NCEH1: variants seen among roughly 807,000 people sequenced by gnomAD.
NCEH1 encodes neutral cholesterol ester hydrolase 1, also known as 2-acetyl MAGE hydrolase.
NCEH1 carries 9 observed loss-of-function variants against 25.4 expected under a neutral mutation model. The observed-to-expected ratio is 0.35, with a 90% CI of 0.21 to 0.62. The LOEUF is 0.62. Among genes scored for constraint, NCEH1 ranks in the 20% least tolerant of loss-of-function variants. The pLI, the probability that NCEH1 is intolerant of heterozygous loss-of-function variation, is 0.72. For synonymous variants in NCEH1, 200 were observed against 199.8 expected, an observed-to-expected ratio of 1.00 and a Z score of -0.01; for missense variants, 412 against 501.1, an observed-to-expected ratio of 0.82 and a Z score of 1.70.
At chr3:172,668,296 A>G (rs1464299651) in intron 1 of NCEH1, among the ~76,000 whole-genome samples, 3 of 149,892 alleles carry the variant, frequency 2.0e-5, no homozygotes, top group Non-Finnish European at 4.4e-5. Context: ...GTTTCAGTAA[A>G]TAACCCTAAC....
At chr3:172,666,151 C>T (rs1298442056) in intron 1 of NCEH1, among the ~76,000 whole-genome samples, 1 of 152,184 alleles carries the variant, frequency 6.6e-6, no homozygotes, top group Non-Finnish European at 1.5e-5. Flanking sequence ...ACTTGAAGGG[C>T]CAGTCTGGCA....
chr3:172,675,666 T>TA (rs1422426516), intron 1 of NCEH1, among the ~76,000 whole-genome samples: 1 of 152,214 alleles, frequency 6.6e-6, no homozygotes, highest in Non-Finnish European at 1.5e-5. Flanking sequence ...CTGCAAGTTA[T>TA]AAAAATGGCC....
chr3:172,683,242 A>AAAAATAG (rs1182284033), intron 1 of NCEH1, among the ~76,000 whole-genome samples: 29 of 118,620 alleles, frequency 2.4e-4, no homozygotes, highest in Middle Eastern at 3.6e-3. Context: ...TCTCTACTAA[A>AAAAATAG]AATACAAAAA....
chr3:172,707,755 T>G (rs1560213396), intron 1 of NCEH1, among the ~76,000 whole-genome samples: 2 of 152,084 alleles, frequency 1.3e-5, no homozygotes, highest in Non-Finnish European at 2.9e-5. Context: ...CCAGCTAATT[T>G]TTTTGTATTT....
chr3:172,696,342 T>C (rs1038103144), intron 1 of NCEH1, among the ~76,000 whole-genome samples: 3 of 152,172 alleles, frequency 2.0e-5, no homozygotes, highest in African/African-American at 7.2e-5. Flanking sequence ...CAATAGCAGA[T>C]TGGCAAGAAT....
chr3:172,708,451 G>T (rs868384102), intron 1 of NCEH1, among the ~76,000 whole-genome samples: 37 of 152,278 alleles, frequency 2.4e-4, no homozygotes, highest in Middle Eastern at 3.4e-3. Context: ...CGCCTCCCAG[G>T]TTCAAGCGAT....
chr3:172,694,067 A>C (rs1421605212), intron 1 of NCEH1, among the ~76,000 whole-genome samples: 1 of 151,990 alleles, frequency 6.6e-6, no homozygotes, highest in Non-Finnish European at 1.5e-5. Context: ...CCAACTTTTT[A>C]AATTTTTTGT....
Position 172,690,133 on chromosome 3 carries a change from C to G in NCEH1, c.138+20714G>C, listed in dbSNP as rs1352887136. ...TTAGCCAGGATGGTCTCAATCTCCT[C>G]ACCTCGTGATCCACCCGCCTCGGCC... On this transcript the variant is annotated intron_variant, in intron 1 of 4. Transcript: ENST00000475381. Among the ~76,000 whole-genome samples, 3 of 151,956 alleles carry G rather than the reference C, an allele frequency of 2.0e-5. No homozygotes were observed. The East Asian group carries it at 5.8e-4, about 30-fold the overall frequency.
At chr3:172,686,390 ATT>A (rs755031413) in intron 1 of NCEH1, among the ~76,000 whole-genome samples, 4 of 152,250 alleles carry the variant, frequency 2.6e-5, no homozygotes, top group Admixed American at 6.5e-5. Context: ...CACATAGTGT[ATT>A]CACATAGTGA....
chr3:172,710,962 A>C lies in NCEH1; in HGVS notation c.23T>G (p.Leu8Arg). MRSSCVL[L>R]TALVALAAYY... ...GGCGGCCAGCGCCACCAGGGCGGTG[A>C]GCAGGACACAGGACGACCTCATCTT... is the stretch of plus-strand genomic sequence containing the variant. The change falls in exon 1 of 5, where the codon CTC (leucine) becomes CGC (arginine). Residue 8 changes from leucine to arginine, a missense_variant. Leu to Arg is a moderately radical substitution (Grantham distance 102, BLOSUM62 -2). This residue lies in a region of NCEH1 where 178 missense variants were observed against 189.2 expected (regional missense o/e 0.94). Transcript: ENST00000475381. The C allele has an allele frequency of 6.2e-7, 1 of 1,614,082 alleles. No individual in the cohort carries two copies. Among genetic ancestry groups the C allele is most frequent in the Non-Finnish European group, 8.5e-7 (1 of 1,179,998 alleles).
At chr3:172,677,971 C>T (rs1428501225) in intron 1 of NCEH1, among the ~76,000 whole-genome samples, 3 of 152,200 alleles carry the variant, frequency 2.0e-5, no homozygotes, top group African/African-American at 4.8e-5. Flanking sequence ...CTCAAAAGTT[C>T]GACTGATCCT....
At chr3:172,674,983 A>G (rs1260369885) in intron 1 of NCEH1, among the ~76,000 whole-genome samples, 1 of 152,236 alleles carries the variant, frequency 6.6e-6, no homozygotes, top group East Asian at 1.9e-4. Context: ...AAGCTATGAA[A>G]AAAAGGTTAT....
chr3:172,652,008 T>G (rs896408266), intron 1 of NCEH1, among the ~76,000 whole-genome samples: 1 of 152,196 alleles, frequency 6.6e-6, no homozygotes, highest in Non-Finnish European at 1.5e-5. Flanking sequence ...GATAAATATC[T>G]GGGAGCCAAT....
intron 1 of NCEH1, among the ~76,000 whole-genome samples, chr3:172,697,970 A>ATTTTTTTT (rs386398562): frequency 7.9e-5 from 8 of 101,096 alleles, no homozygotes; most frequent in Non-Finnish European, 1.1e-4. Flanking sequence ...TAAAAGCAGA[A>ATTTTTTTT]TTTTTTTTTT....
At chr3:172,664,785 C>T (rs896100718) in intron 1 of NCEH1, among the ~76,000 whole-genome samples, 7 of 152,122 alleles carry the variant, frequency 4.6e-5, no homozygotes, top group Non-Finnish European at 8.8e-5. Flanking sequence ...ACGTAGTTCT[C>T]GTGCCATGGT....
intron 1 of NCEH1, among the ~76,000 whole-genome samples, chr3:172,690,217 A>G (rs1051592437): frequency 6.6e-6 from 1 of 152,124 alleles, no homozygotes; most frequent in African/African-American, 2.4e-5. Context: ...ATTTTTTTAA[A>G]TGAACATTTC....
intron 1 of NCEH1, among the ~76,000 whole-genome samples, chr3:172,691,965 A>AAAG (rs1553838720): frequency 1.4e-3 from 42 of 29,604 alleles, no homozygotes; most frequent in Middle Eastern, 0.024. Context: ...AAAAAAAAAA[A>AAAG]AAAGAAAGAA....
chr3:172,666,576 T>A (rs1318388564), intron 1 of NCEH1, among the ~76,000 whole-genome samples: 1 of 152,182 alleles, frequency 6.6e-6, no homozygotes, highest in Non-Finnish European at 1.5e-5. Context: ...CATGTGTGTC[T>A]GTGTCATTTT....
intron 1 of NCEH1, 140 bp from the exon 2 acceptor site, chr3:172,648,254 A>G (rs1378960707): frequency 1.2e-5 from 11 of 945,940 alleles, no homozygotes; most frequent in East Asian, 2.6e-5. Context: ...TTTTAATACA[A>G]AAACCAATTG....
Sources: gnomAD v4.1 joint callset for allele counts (sites outside exome capture counted in the v4.1 genomes callset) on GRCh38, gnomAD v4.1.1 for gene constraint, gnomAD v4.1.1 regional missense constraint, MANE v1.5 for transcripts, NCBI Gene and HGNC (gene_info 2026-07-23, HGNC 2026-07-21) for gene names.